Variants in DNMT1 observed in about 807,000 individuals in gnomAD.
The protein encoded by DNMT1 is DNA methyltransferase 1, also known as DNA (cytosine-5)-methyltransferase 1.
Under a neutral mutation model 205.3 loss-of-function variants are expected in DNMT1, and 24 were observed. That is an observed-to-expected ratio of 0.12 (90% confidence interval 0.08 to 0.16). The LOEUF is 0.16. Ranked by LOEUF, DNMT1 falls within the 10% of genes least tolerant of loss-of-function variation. DNMT1 has a pLI of 1.00. For missense variants in DNMT1, 1,293 were observed against 2,177.7 expected (o/e 0.59, Z 8.09); for synonymous variants, 817 against 839.8 (o/e 0.97, Z 0.47).
At chr19:10,175,148 AT>A (rs1481807250) in intron 7 of DNMT1, among the ~76,000 whole-genome samples, 1 of 150,514 alleles carries the variant, frequency 6.6e-6, no homozygotes, top group Non-Finnish European at 1.5e-5. Flanking sequence ...ACATGTATGT[AT>A]GTAAGACTGC....
chr19:10,146,327 C>A lies in DNMT1; in HGVS notation c.2894+24G>T, dbSNP rs373005554. 2 of 1,613,060 alleles carry A rather than the reference C, an allele frequency of 1.2e-6. No individual in the cohort carries two copies. The highest frequency in any genetic ancestry group is 1.3e-5 in the African/African-American group (1 of 74,990). ...GGCTCAGCCTGGAGCGCCCTGGCCCCGGCTGCTCCGAGGGGGCACTTACTT... is the reference window on the plus strand; with the variant it reads ...GGCTCAGCCTGGAGCGCCCTGGCCCAGGCTGCTCCGAGGGGGCACTTACTT... On this transcript the variant is annotated intron_variant, in intron 28 of 40. Coordinates refer to ENST00000359526, the MANE Select transcript of DNMT1 (RefSeq NM_001130823.3). The surrounding 1 kb of genome is among the most constrained non-coding windows in gnomAD (Gnocchi z 4.4).
Position 10,154,637 on chromosome 19 carries a change from G to A in DNMT1, c.1781C>T (p.Thr594Ile), listed in dbSNP as rs762421501. The change falls in exon 21 of 41, where the codon ACA becomes ATA. Residue 594 changes from threonine to isoleucine, a missense_variant. By Grantham distance (89) the Thr-to-Ile change is moderately conservative (BLOSUM62 -1). Transcript: ENST00000359526. This position sits in a 1 kb window ranked among gnomAD's most constrained non-coding sequence, Gnocchi z 6.3. Reference sequence around the variant, plus strand: ...CTTGATCAGGTCCCGCATGCAGGGTGTCAGGAAGATGGGCTGCTCATCACT... The same window carrying A: ...CTTGATCAGGTCCCGCATGCAGGGTATCAGGAAGATGGGCTGCTCATCACT... ...GDSDEQPIFLTPCMRDLIKLA... is the reference protein window; with the variant it reads ...GDSDEQPIFLIPCMRDLIKLA... The A allele has an allele frequency of 1.4e-5, 22 of 1,613,912 alleles. No homozygotes were observed. The highest frequency in any genetic ancestry group is 4.5e-5 in the East Asian group (2 of 44,886).
At position 10,162,339 on chromosome 19, in the gene DNMT1, G is replaced by A. The variant is rs956643574; in HGVS notation, c.1008+328C>T. On this transcript the variant is annotated intron_variant, in intron 13 of 40. Coordinates refer to ENST00000359526, the MANE Select transcript of DNMT1 (RefSeq NM_001130823.3). Reference sequence around the variant, plus strand: ...TGTCCCCAGCCTGGAGTGCGATCTCGGCTCACTGCAACCTCCACCTCCCAG... The same window carrying A: ...TGTCCCCAGCCTGGAGTGCGATCTCAGCTCACTGCAACCTCCACCTCCCAG... 2.1e-4 allele frequency among the ~76,000 whole-genome samples: 32 copies of A among 149,898 alleles called. 1 individual carries two copies. The Admixed American group carries it at 2.1e-3, about 10-fold the overall frequency.
At position 10,146,216 on chromosome 19, in the gene DNMT1, C is replaced by T; in HGVS notation, c.2894+135G>A. 1 of 1,047,074 alleles carries T rather than the reference C, an allele frequency of 9.6e-7. No homozygotes were observed. Among genetic ancestry groups the T allele is most frequent in the Non-Finnish European group, 1.4e-6 (1 of 725,680 alleles). 64.9% of individuals were successfully genotyped at this position (1,047,074 alleles called of 1,614,324 possible). ...CACGATTTATGTTGTCTGTTTGCCA[C>T]CTATGCCAACGTGACGGCTAGGACA... is the stretch of plus-strand genomic sequence containing the variant. On this transcript the variant is annotated intron_variant, in intron 28 of 40. Transcript: ENST00000359526. This position sits in a 1 kb window ranked among gnomAD's most constrained non-coding sequence, Gnocchi z 4.4.
chr19:10,149,984 T>C lies in DNMT1; in HGVS notation c.2266-16A>G, dbSNP rs2038303951. 3 of 1,609,236 alleles carry C rather than the reference T, an allele frequency of 1.9e-6. No homozygotes were observed. Among genetic ancestry groups the C allele is most frequent in the Admixed American group, 1.7e-5 (1 of 60,000 alleles). ...TCCCATCAGTCTGAAAATGAGAGCA[T>C]AAGTTCATGGAGGATCATTCTGAGG... On this transcript the variant is annotated splice_polypyrimidine_tract_variant and intron_variant, in intron 24 of 40. Transcript: ENST00000359526.
rs2038522435 is a variant in DNMT1, at chr19:10,159,488, C to A, written c.1280+170G>T. ...CCTCCCAAAGTGCTAGGATTACAGG[C>A]ATGAGCCACCGCGCCCAGCCCTCCA... On this transcript the variant is annotated intron_variant, in intron 17 of 40. Transcript: ENST00000359526. This position sits in a 1 kb window ranked among gnomAD's most constrained non-coding sequence, Gnocchi z 5.0. Among the ~76,000 whole-genome samples, 1 of 152,212 alleles carries A rather than the reference C, an allele frequency of 6.6e-6. No homozygotes were observed. Among genetic ancestry groups the A allele is most frequent in the South Asian group, 2.1e-4 (1 of 4,832 alleles).
At chr19:10,175,669 C>T (rs2038926232) in intron 6 of DNMT1, 51 bp from the exon 7 acceptor site, 2 of 1,585,764 alleles carry the variant, frequency 1.3e-6, no homozygotes, top group East Asian at 4.5e-5. Flanking sequence ...CCTAGGCCTC[C>T]AGCTGGCCTG....
chr19:10,151,630 GA>G lies in DNMT1; in HGVS notation c.2118-86del. The G allele has an allele frequency of 6.2e-7, 1 of 1,609,686 alleles. No homozygotes were observed. The highest frequency in any genetic ancestry group is 8.5e-7 in the Non-Finnish European group (1 of 1,178,036). ...TTTCTTCATAACAGGGACAGGTCCT[GA>G]GACAATGCCTAACGAAGGAATCCTG... On this transcript the variant is annotated intron_variant, in intron 23 of 40. Coordinates refer to ENST00000359526, the MANE Select transcript of DNMT1 (RefSeq NM_001130823.3). This position sits in a 1 kb window ranked among gnomAD's most constrained non-coding sequence, Gnocchi z 5.0.
At chr19:10,192,106 G>A (rs1471541386) in intron 1 of DNMT1, among the ~76,000 whole-genome samples, 2 of 151,350 alleles carry the variant, frequency 1.3e-5, no homozygotes, top group African/African-American at 2.4e-5. Context: ...TTACAGACGT[G>A]AGCCACCGCG....
intron 11 of DNMT1, 91 bp downstream of exon 11, chr19:10,166,507 T>G: frequency 6.6e-7 from 1 of 1,523,736 alleles, no homozygotes; most frequent in Non-Finnish European, 9.1e-7. Context: ...GGGCTGGACT[T>G]GAACCCAGAG....
intron 13 of DNMT1, 137 bp downstream of exon 13, chr19:10,162,530 A>G: frequency 1.1e-6 from 1 of 887,614 alleles, no homozygotes; most frequent in South Asian, 1.6e-5. Flanking sequence ...TCAGCCTCTC[A>G]AAGTGCTGGG....
At position 10,137,122 on chromosome 19, in the gene DNMT1, G is replaced by C; in HGVS notation, c.4452C>G (p.Ser1484Arg). The C allele has an allele frequency of 6.2e-7, 1 of 1,611,786 alleles. No individual in the cohort carries two copies. The highest frequency in any genetic ancestry group is 8.5e-7 in the Non-Finnish European group (1 of 1,179,534). Residue 1484 changes from serine (S) to arginine (R), a missense_variant, in exon 37 of 41, where the codon AGC becomes AGG. Ser to Arg is a moderately radical substitution (Grantham distance 110). Transcript: ENST00000359526. The surrounding 1 kb of genome is among the most constrained non-coding windows in gnomAD (Gnocchi z 6.4). ...THHDRKNGRSSSGALRGVCSC... is the reference protein window; with the variant it reads ...THHDRKNGRSRSGALRGVCSC... ...AGCAGACCCCACGGAGGGCCCCAGA[G>C]CTGCTGCGGCCGTTCTTCCTGTCAT...
In DNMT1 at chr19:10,151,444, T is replaced by C; in HGVS notation, c.2219A>G (p.Lys740Arg). The C allele has an allele frequency of 6.2e-7, 1 of 1,614,092 alleles. No individual in the cohort carries two copies. Among genetic ancestry groups the C allele is most frequent in the Non-Finnish European group, 8.5e-7 (1 of 1,180,010 alleles). The change falls in exon 24 of 41, where the codon AAG (lysine) becomes AGG (arginine). Residue 740 changes from lysine (K) to arginine (R), a missense_variant. This residue lies in a region of DNMT1 where 197 missense variants were observed against 353.6 expected (regional missense o/e 0.56). Coordinates refer to ENST00000359526, the MANE Select transcript of DNMT1 (RefSeq NM_001130823.3). The surrounding 1 kb of genome is among the most constrained non-coding windows in gnomAD (Gnocchi z 5.0). ...AGAGATGCGATTCTTGTTCTGTTTC[T>C]TCTTCTTCCCCTGGTGCATTTTTTT... ...SPKKMHQGKK[K>R]KQNKNRISWV... is the part of the protein sequence containing the mutation.
intron 1 of DNMT1, among the ~76,000 whole-genome samples, chr19:10,182,503 GTA>G (rs995530088): frequency 1.1e-5 from 1 of 89,290 alleles, no homozygotes; most frequent in Non-Finnish European, 2.3e-5. Context: ...ATATATGTGT[GTA>G]TATATATACA....
Position 10,151,727 on chromosome 19 carries a change from G to A in DNMT1, c.2117+23C>T, listed in dbSNP as rs2038346853. 6.2e-7 allele frequency: 1 copy of A among 1,613,936 alleles called. No individual in the cohort carries two copies. Among genetic ancestry groups the A allele is most frequent in the Non-Finnish European group, 8.5e-7 (1 of 1,179,882 alleles). ...CCAGCTGGCAAGTCCTCTGCCACAG[G>A]AGGAAGACTCGGCCTGACCTACCTC... On this transcript the variant is annotated intron_variant, in intron 23 of 40. Transcript: ENST00000359526. The surrounding 1 kb of genome is among the most constrained non-coding windows in gnomAD (Gnocchi z 5.0).
chr19:10,146,411 T>C lies in DNMT1; in HGVS notation c.2834A>G (p.Asn945Ser). Residue 945 changes from asparagine (N) to serine (S), a missense_variant, in exon 28 of 41, where the codon AAC becomes AGC. This residue lies in a region of DNMT1 where 112 missense variants were observed against 116.6 expected (regional missense o/e 0.96). Coordinates refer to ENST00000359526, the MANE Select transcript of DNMT1 (RefSeq NM_001130823.3). The surrounding 1 kb of genome is among the most constrained non-coding windows in gnomAD (Gnocchi z 4.4). The part of the protein sequence containing the change: ...SRVLYYSATK[N>S]GILYRVGDGV... Reference sequence around the variant, plus strand: ...ATCACCAACTCGGTACAGGATGCCGTTCTTGGTGGCTGAGTAGTAGAGGAC... The same window carrying C: ...ATCACCAACTCGGTACAGGATGCCGCTCTTGGTGGCTGAGTAGTAGAGGAC... 6.2e-7 allele frequency: 1 copy of C among 1,614,042 alleles called. No homozygotes were observed. Among genetic ancestry groups the C allele is most frequent in the Non-Finnish European group, 8.5e-7 (1 of 1,180,010 alleles).
intron 29 of DNMT1, among the ~76,000 whole-genome samples, chr19:10,142,538 A>G (rs1374461061): frequency 6.7e-6 from 1 of 148,348 alleles, no homozygotes; most frequent in African/African-American, 2.5e-5. Flanking sequence ...TAAGGGAATC[A>G]CAGGGTAAAG....
rs149362098 is a variant in DNMT1 at position 10,180,442 on chromosome 19, C to A, written c.353G>T (p.Arg118Leu). ...GTTGGCATCTGCCATTCCCACTCTA[C>A]GGGCTTCACTTCTTGCTTGGTTCCC... ...ENGNQARSEA[R>L]RVGMADANSP... The change falls in exon 4 of 41, where the codon CGT becomes CTT. Residue 118 changes from arginine (R) to leucine (L), a missense_variant. Physicochemically the swap from Arg to Leu is moderately radical, Grantham distance 102 (BLOSUM62 -2). This residue lies in a region of DNMT1 where 394 missense variants were observed against 451.6 expected (regional missense o/e 0.87). Transcript: ENST00000359526. 7.4e-6 allele frequency: 12 copies of A among 1,614,164 alleles called. No homozygotes were observed. The highest frequency in any genetic ancestry group is 1.0e-5 in the Non-Finnish European group (12 of 1,180,050).
intron 9 of DNMT1, among the ~76,000 whole-genome samples, chr19:10,169,936 T>C (rs2038777940): frequency 6.6e-6 from 1 of 152,192 alleles, no homozygotes; most frequent in African/African-American, 2.4e-5. Flanking sequence ...AGGTATGCAC[T>C]GACTGCAACT....
Sources: gnomAD v4.1 joint callset for allele counts (sites outside exome capture counted in the v4.1 genomes callset) on GRCh38, gnomAD v4.1.1 for gene constraint, gnomAD v4.1.1 regional missense constraint, Gnocchi (gnomAD v3.1) non-coding constraint, MANE v1.5 for transcripts, NCBI Gene and HGNC (gene_info 2026-07-23, HGNC 2026-07-21) for gene names.